The following MARK3 variants were observed in gnomAD, a reference collection of about 807,000 sequenced individuals.
MARK3 encodes the protein microtubule affinity regulating kinase 3.
A neutral mutation model predicts 90.1 loss-of-function variants in MARK3; 46 were observed. The observed-to-expected ratio is 0.51, with a 90% CI of 0.40 to 0.65. The LOEUF (loss-of-function observed/expected upper bound fraction) is 0.65. MARK3 is among the 30% of genes least tolerant of loss of function. The pLI is 0.00. For missense variants in MARK3, 818 were observed against 947.2 expected (o/e 0.86, Z 1.79); for synonymous variants, 321 against 332.6 (o/e 0.97, Z 0.38).
At chr14:103,479,497 A>C (rs925842533) in intron 13 of MARK3, among the ~76,000 whole-genome samples, 1 of 152,108 alleles carries the variant, frequency 6.6e-6, no homozygotes, top group African/African-American at 2.4e-5. Context: ...CTTTCTAACA[A>C]TTAATAATTA....
chr14:103,452,761 G>A (rs1432744656), intron 5 of MARK3, among the ~76,000 whole-genome samples: 4 of 152,140 alleles, frequency 2.6e-5, no homozygotes, highest in African/African-American at 7.2e-5. Context: ...GTGAGCCACC[G>A]CGCCCGGCCA....
At chr14:103,416,953 T>C (rs1348272075) in intron 2 of MARK3, among the ~76,000 whole-genome samples, 1 of 152,008 alleles carries the variant, frequency 6.6e-6, no homozygotes, top group Non-Finnish European at 1.5e-5. Context: ...GTATTAGAGA[T>C]GTGAGGAGGT....
chr14:103,401,469 A>G (rs778622194), intron 1 of MARK3, among the ~76,000 whole-genome samples: 49 of 152,282 alleles, frequency 3.2e-4, no homozygotes, highest in Non-Finnish European at 6.9e-4. Context: ...GCTCACACCA[A>G]GTCTGCTTGA....
intron 1 of MARK3, among the ~76,000 whole-genome samples, chr14:103,402,014 C>T (rs1211931966): frequency 6.6e-6 from 1 of 152,030 alleles, no homozygotes; most frequent in Non-Finnish European, 1.5e-5. Flanking sequence ...TGGCTGATGT[C>T]GTGGGAGAGG....
At chr14:103,428,939 G>C (rs1172480248) in intron 3 of MARK3, among the ~76,000 whole-genome samples, 1 of 152,182 alleles carries the variant, frequency 6.6e-6, no homozygotes, top group Middle Eastern at 3.2e-3. Context: ...GGAAAAGCAT[G>C]TTCATAAAGC....
At chr14:103,462,502 T>A in intron 7 of MARK3, 41 bp downstream of exon 7, 2 of 1,477,236 alleles carry the variant, frequency 1.4e-6, no homozygotes, top group Non-Finnish European at 1.9e-6. Flanking sequence ...TCTGTCTGTT[T>A]GTGTGCAGTT....
At chr14:103,477,221 G>A (rs1199412477) in intron 13 of MARK3, among the ~76,000 whole-genome samples, 1 of 152,180 alleles carries the variant, frequency 6.6e-6, no homozygotes, top group Non-Finnish European at 1.5e-5. Context: ...GCCAGGCACG[G>A]TGGCTCACAC....
intron 5 of MARK3, 22 bp downstream of exon 5, chr14:103,452,005 T>C: frequency 6.5e-7 from 1 of 1,539,830 alleles, no homozygotes; most frequent in East Asian, 2.2e-5. Flanking sequence ...TTTATATATA[T>C]TGGGTTTTTT....
intron 2 of MARK3, among the ~76,000 whole-genome samples, chr14:103,421,221 A>G (rs1244567709): frequency 6.6e-6 from 1 of 152,226 alleles, no homozygotes; most frequent in Non-Finnish European, 1.5e-5. Context: ...GGTGTTCTTA[A>G]ACAGACACAC....
At chr14:103,440,558 C>T (rs2092824563) in intron 3 of MARK3, among the ~76,000 whole-genome samples, 1 of 152,138 alleles carries the variant, frequency 6.6e-6, no homozygotes. Context: ...TGAGATTGCG[C>T]CACTGCACTC....
chr14:103,488,529 A>G (rs2093968255), intron 14 of MARK3, among the ~76,000 whole-genome samples: 1 of 152,114 alleles, frequency 6.6e-6, no homozygotes, highest in African/African-American at 2.4e-5. Flanking sequence ...AAATTCTCCC[A>G]AGTCAGAGAG....
intron 2 of MARK3, among the ~76,000 whole-genome samples, chr14:103,414,162 T>C (rs1053253008): frequency 1.3e-5 from 2 of 152,064 alleles, no homozygotes; most frequent in African/African-American, 4.8e-5. Flanking sequence ...TGGTCTGGTC[T>C]GTGAATTGGT....
chr14:103,478,470 T>G (rs2141827507), intron 13 of MARK3, among the ~76,000 whole-genome samples: 1 of 151,884 alleles, frequency 6.6e-6, no homozygotes, highest in African/African-American at 2.4e-5. Context: ...ACATGTATCC[T>G]TTTGTGTCTA....
In MARK3 at chr14:103,405,183, C is replaced by G; in HGVS notation, c.159C>G (p.Ile53Met). 6.2e-7 allele frequency: 1 copy of G among 1,600,506 alleles called. No homozygotes were observed. Among genetic ancestry groups the G allele is most frequent in the Non-Finnish European group, 8.5e-7 (1 of 1,176,188 alleles). ...CCTGTGCAGATGAACAACCTCACAT[C>G]GGAAACTACAGACTGTTGAAAACAA... ...IASCADEQPH[I>M]GNYRLLKTIG... Residue 53 changes from isoleucine (I) to methionine (M), a missense_variant, in exon 2 of 18, where the codon ATC (isoleucine) becomes ATG (methionine). Ile to Met is a conservative substitution (Grantham distance 10). This residue lies in a region of MARK3 where 157 missense variants were observed against 158.7 expected (regional missense o/e 0.99). Transcript: ENST00000429436.
chr14:103,452,026 C>T lies in MARK3; in HGVS notation c.412+43C>T, dbSNP rs759336622. ...TATATTGGGTTTTTTTTCTTTCTCC[C>T]TTTTAAAAAAATACACAACCATACT... On this transcript the variant is annotated intron_variant, in intron 5 of 17. Transcript: ENST00000429436. 290 of 1,372,786 alleles carry T rather than the reference C, an allele frequency of 2.1e-4. 1 individual carries two copies. Among genetic ancestry groups the T allele is most frequent in the Non-Finnish European group, 2.9e-4 (279 of 971,688 alleles). 85.0% of individuals were successfully genotyped at this position (1,372,786 alleles called of 1,614,324 possible).
chr14:103,437,012 G>C (rs2092731757), intron 3 of MARK3, among the ~76,000 whole-genome samples: 1 of 151,772 alleles, frequency 6.6e-6, no homozygotes, highest in Admixed American at 6.6e-5. Context: ...AGAATCACTT[G>C]AACCCAGGAG....
intron 3 of MARK3, among the ~76,000 whole-genome samples, chr14:103,436,412 T>TC (rs1048349969): frequency 9.3e-5 from 14 of 151,300 alleles, no homozygotes; most frequent in East Asian, 1.9e-4. Flanking sequence ...TTTCTTTCTT[T>TC]TTTTTTTTTT....
At chr14:103,450,936 T>C (rs1595737026) in intron 4 of MARK3, among the ~76,000 whole-genome samples, 3 of 127,792 alleles carry the variant, frequency 2.3e-5, no homozygotes, top group African/African-American at 1.0e-4. Flanking sequence ...TTTTTTTTTT[T>C]TTTTTTTTTT....
chr14:103,428,993 C>T (rs1360356068), intron 3 of MARK3, among the ~76,000 whole-genome samples: 1 of 152,160 alleles, frequency 6.6e-6, no homozygotes, highest in African/African-American at 2.4e-5. Flanking sequence ...AGTCTTTGCC[C>T]TAGTGCCTTT....
Sources: gnomAD v4.1 joint callset for allele counts (sites outside exome capture counted in the v4.1 genomes callset) on GRCh38, gnomAD v4.1.1 for gene constraint, gnomAD v4.1.1 regional missense constraint, MANE v1.5 for transcripts, NCBI Gene and HGNC (gene_info 2026-07-23, HGNC 2026-07-21) for gene names.